PHYHIPL: variants seen among roughly 807,000 people sequenced by gnomAD.
The protein encoded by PHYHIPL is phytanoyl-CoA hydroxylase-interacting protein-like.
Under a neutral mutation model 33.4 loss-of-function variants are expected in PHYHIPL, and 9 were observed. The ratio of observed to expected loss-of-function variants is 0.27; its 90% confidence interval spans 0.16 to 0.47. The LOEUF is 0.47. PHYHIPL is among the 20% of genes least tolerant of loss of function. The probability of loss-of-function intolerance (pLI) is 0.99; values close to 1 mark genes in which losing one functional copy is unlikely to be tolerated. For missense variants in PHYHIPL, 365 were observed against 460.7 expected (o/e 0.79, Z 1.90); for synonymous variants, 153 against 154.1 (o/e 0.99, Z 0.05).
chr10:59,184,400 C>G (rs1309894337), intron 1 of PHYHIPL, among the ~76,000 whole-genome samples: 1 of 152,156 alleles, frequency 6.6e-6, no homozygotes, highest in African/African-American at 2.4e-5. Context: ...GAGTTAATCT[C>G]TCTTGATAGG....
intron 1 of PHYHIPL, among the ~76,000 whole-genome samples, chr10:59,230,583 A>C (rs1023870745): frequency 6.6e-6 from 1 of 152,102 alleles, no homozygotes; most frequent in Non-Finnish European, 1.5e-5. Context: ...TTTTAATGAA[A>C]TTGTATCTTA....
chr10:59,182,317 C>T (rs1838432794), intron 1 of PHYHIPL, among the ~76,000 whole-genome samples: 1 of 152,098 alleles, frequency 6.6e-6, no homozygotes, highest in Non-Finnish European at 1.5e-5. Flanking sequence ...CCTATACCTC[C>T]TTTTTAAACT....
At chr10:59,179,159 A>G (rs1838332123) in intron 1 of PHYHIPL, among the ~76,000 whole-genome samples, 1 of 152,168 alleles carries the variant, frequency 6.6e-6, no homozygotes, top group Non-Finnish European at 1.5e-5. Context: ...AGGGGGAATA[A>G]TGTCGTTTGT....
At chr10:59,206,320 A>G (rs1359963935) in intron 1 of PHYHIPL, among the ~76,000 whole-genome samples, 2 of 152,166 alleles carry the variant, frequency 1.3e-5, no homozygotes, top group African/African-American at 4.8e-5. Flanking sequence ...TGCGTGTCAT[A>G]CTTTGTCTAC....
At chr10:59,232,797 G>A (rs1840117743) in intron 1 of PHYHIPL, among the ~76,000 whole-genome samples, 1 of 151,836 alleles carries the variant, frequency 6.6e-6, no homozygotes, top group African/African-American at 2.4e-5. Context: ...TATTACTGAT[G>A]TTTAAAGACA....
At position 59,231,783 on chromosome 10, in the gene PHYHIPL, A is replaced by T. The variant is rs531972225; in HGVS notation, c.107-2521A>T. 1.9e-4 allele frequency among the ~76,000 whole-genome samples: 29 copies of T among 152,256 alleles called. No individual in the cohort carries two copies. The East Asian group carries it at 5.4e-3, about 28-fold the overall frequency. On this transcript the variant is annotated intron_variant, in intron 1 of 4. Transcript: ENST00000373880. ...TCCCTGATAGTAGAGAATGTACCAC[A>T]TATGGAACATTCACAAAAATAAATC... is the stretch of plus-strand genomic sequence containing the variant.
At chr10:59,204,224 T>A (rs889796728) in intron 1 of PHYHIPL, among the ~76,000 whole-genome samples, 4 of 152,206 alleles carry the variant, frequency 2.6e-5, no homozygotes, top group Non-Finnish European at 4.4e-5. Context: ...AAATTTAAAA[T>A]CTTCTATCCT....
At chr10:59,212,398 T>C (rs1036058493) in intron 1 of PHYHIPL, among the ~76,000 whole-genome samples, 1 of 152,228 alleles carries the variant, frequency 6.6e-6, no homozygotes, top group Non-Finnish European at 1.5e-5. Flanking sequence ...GGTTTCTCCA[T>C]TCATAATGAA....
intron 1 of PHYHIPL, among the ~76,000 whole-genome samples, chr10:59,220,639 A>G (rs1448367922): frequency 2.0e-5 from 3 of 152,098 alleles, no homozygotes; most frequent in African/African-American, 7.2e-5. Context: ...GAGCAGTTCT[A>G]TTATTTTACA....
At chr10:59,207,159 T>C (rs1221580656) in intron 1 of PHYHIPL, among the ~76,000 whole-genome samples, 1 of 152,060 alleles carries the variant, frequency 6.6e-6, no homozygotes, top group Non-Finnish European at 1.5e-5. Flanking sequence ...TAGGAACAGC[T>C]CCAGTCTGCA....
At chr10:59,198,863 G>A (rs1484164298) in intron 1 of PHYHIPL, among the ~76,000 whole-genome samples, 1 of 152,186 alleles carries the variant, frequency 6.6e-6, no homozygotes, top group Non-Finnish European at 1.5e-5. Context: ...CTTTTGAGAA[G>A]TGTCTGTTCA....
rs556755851 is a variant in PHYHIPL at position 59,246,003 on chromosome 10, G to T, written c.*412G>T. 1 of 157,230 alleles carries T rather than the reference G, an allele frequency of 6.4e-6. No individual in the cohort carries two copies. The allele number at this position is 157,230 out of a possible 1,614,324, so 9.7% of individuals were successfully genotyped here. On this transcript the variant is annotated 3_prime_UTR_variant, in exon 5 of 5. Transcript: ENST00000373880. ...GGATAACTCCAAACCGCATGAAAGG[G>T]TGTAATTGCAGCATGAGTTAAATCT...
intron 1 of PHYHIPL, among the ~76,000 whole-genome samples, chr10:59,194,056 G>A (rs1019117883): frequency 6.9e-6 from 1 of 144,822 alleles, no homozygotes; most frequent in Non-Finnish European, 1.5e-5. Context: ...ACTATGTATT[G>A]TAGAAGTATT....
intron 1 of PHYHIPL, among the ~76,000 whole-genome samples, chr10:59,186,024 A>T (rs1403979365): frequency 3.3e-5 from 5 of 152,116 alleles, no homozygotes; most frequent in Admixed American, 6.5e-5. Context: ...GGTGTTTTAG[A>T]CATGAAGTCC....
At chr10:59,176,012 C>A (rs1199522840), upstream of PHYHIPL, among the ~76,000 whole-genome samples, 1 of 152,192 alleles carries the variant, frequency 6.6e-6, no homozygotes, top group Non-Finnish European at 1.5e-5. Context: ...GGAGTTCCCA[C>A]GTTTGCCCCG....
chr10:59,246,628 A>G lies in PHYHIPL; in HGVS notation c.*1037A>G, dbSNP rs983741080. 2.5e-6 allele frequency: 1 copy of G among 397,680 alleles called. No homozygotes were observed. The highest frequency in any genetic ancestry group is 2.1e-5 in the African/African-American group (1 of 48,622). 24.6% of individuals were successfully genotyped at this position (397,680 alleles called of 1,614,324 possible). Reference sequence around the variant, plus strand: ...ACACTGAAGTTGATGAAGCAAATAAATATTCTGGCTTCTTTTTCAAGGTAT... The same window carrying G: ...ACACTGAAGTTGATGAAGCAAATAAGTATTCTGGCTTCTTTTTCAAGGTAT... On this transcript the variant is annotated 3_prime_UTR_variant, in exon 5 of 5. Transcript: ENST00000373880.
In PHYHIPL at chr10:59,176,694, C is replaced by A; in HGVS notation, c.-160C>A. 1.6e-6 allele frequency: 1 copy of A among 623,400 alleles called. No individual in the cohort carries two copies. The highest frequency in any genetic ancestry group is 2.7e-6 in the Non-Finnish European group (1 of 369,322). The allele number at this position is 623,400 out of a possible 1,614,324, so 38.6% of individuals were successfully genotyped here. ...GCCACAGCCGTCGCCTTCGCGGCGGCTCTCCAGCCCCGCGCCTCAGCCTCG... is the reference window on the plus strand; with the variant it reads ...GCCACAGCCGTCGCCTTCGCGGCGGATCTCCAGCCCCGCGCCTCAGCCTCG... On this transcript the variant is annotated 5_prime_UTR_variant, in exon 1 of 5. Transcript: ENST00000373880.
intron 1 of PHYHIPL, among the ~76,000 whole-genome samples, chr10:59,200,451 T>G (rs577894303): frequency 3.3e-4 from 50 of 152,296 alleles, no homozygotes; most frequent in African/African-American, 1.2e-3. Flanking sequence ...CTGCTGGATT[T>G]GGTTTGCCAG....
At chr10:59,196,475 T>C (rs947327035) in intron 1 of PHYHIPL, among the ~76,000 whole-genome samples, 4 of 149,324 alleles carry the variant, frequency 2.7e-5, no homozygotes, top group African/African-American at 9.9e-5. Context: ...AGTGCAGTGG[T>C]GTGAATCTCG....
Sources: allele counts gnomAD v4.1 joint callset (sites outside exome capture counted in the v4.1 genomes callset), GRCh38; gene constraint gnomAD v4.1.1; transcripts MANE v1.5; gene names NCBI Gene and HGNC (gene_info 2026-07-23, HGNC 2026-07-21).